Variants in MBL2 observed in about 807,000 individuals in gnomAD.
MBL2 encodes mannose binding lectin 2.
MBL2 carries 6 observed loss-of-function variants against 12.7 expected under a neutral mutation model. The observed-to-expected ratio is 0.47, with a 90% CI of 0.26 to 0.94. MBL2 has a LOEUF of 0.94. Among genes scored for constraint, MBL2 ranks in the 40% least tolerant of loss-of-function variants. The probability of loss-of-function intolerance (pLI) is 0.15; values close to 1 mark genes in which losing one functional copy is unlikely to be tolerated. For missense variants in MBL2, 307 were observed against 295.2 expected (o/e 1.04, Z -0.29); for synonymous variants, 114 against 112.0 (o/e 1.02, Z -0.11).
intron 3 of MBL2, 133 bp from the exon 4 acceptor site, chr10:52,769,448 GA>G: frequency 1.8e-6 from 1 of 561,960 alleles, no homozygotes. Flanking sequence ...CACTTTGAAG[GA>G]AAATAAAAAA....
chr10:52,768,027 A>G lies in MBL2; in HGVS notation c.*110T>C. 1 of 1,376,254 alleles carries G rather than the reference A, an allele frequency of 7.3e-7. No homozygotes were observed. The highest frequency in any genetic ancestry group is 1.6e-5 in the South Asian group (1 of 62,152). The allele number at this position is 1,376,254 out of a possible 1,614,324, so 85.3% of individuals were successfully genotyped here. ...TGATCATTTTTAGTGATTGCCCACA[A>G]AAGGAACAATACTGGATATGAGGAA... On this transcript the variant is annotated 3_prime_UTR_variant, in exon 5 of 5. Coordinates refer to ENST00000674931, the MANE Select transcript of MBL2 (RefSeq NM_001378373.1).
At chr10:52,769,836 G>A (rs1840364447) in intron 3 of MBL2, among the ~76,000 whole-genome samples, 1 of 152,136 alleles carries the variant, frequency 6.6e-6, no homozygotes, top group African/African-American at 2.4e-5. Context: ...AAGTGGGGAG[G>A]GCATGAGCAA....
At chr10:52,771,707 G>T (rs1840396520) in intron 1 of MBL2, 63 bp from the exon 2 acceptor site, 1 of 1,526,290 alleles carries the variant, frequency 6.6e-7, no homozygotes, top group East Asian at 2.4e-5. Flanking sequence ...TACCGAGCAT[G>T]CCCTCTGTCC....
chr10:52,768,944 A>C (rs1840349171), intron 4 of MBL2, among the ~76,000 whole-genome samples: 1 of 152,070 alleles, frequency 6.6e-6, no homozygotes, highest in Admixed American at 6.5e-5. Context: ...ATACCAGTGC[A>C]ACAAAGGGAT....
chr10:52,772,654 G>T, intron 1 of MBL2, 83 bp downstream of exon 1: 13 of 700,496 alleles, frequency 1.9e-5, no homozygotes, highest in Non-Finnish European at 2.3e-5. Flanking sequence ...CCCCTAGAAA[G>T]CCTCCTCCAT....
In MBL2 at chr10:52,769,204, T is replaced by C. The variant is rs751122864; in HGVS notation, c.373+43A>G. ...ACAAATATTTGTTGCATTCTATTTT[T>C]CCCAAACTTCAAGCTGCCTGGAGAG... On this transcript the variant is annotated intron_variant, in intron 4 of 4. Transcript: ENST00000674931. 1.5e-5 allele frequency: 20 copies of C among 1,361,836 alleles called. No individual in the cohort carries two copies. In the East Asian group the frequency reaches 4.2e-4, roughly 29 times the overall value. The allele number at this position is 1,361,836 out of a possible 1,614,324, so 84.4% of individuals were successfully genotyped here.
At chr10:52,770,854 G>A (rs949723843) in intron 2 of MBL2, 68 bp from the exon 3 acceptor site, 2 of 844,576 alleles carry the variant, frequency 2.4e-6, no homozygotes, top group African/African-American at 1.7e-5. Flanking sequence ...AGAGTTTGAT[G>A]CCCAATCCCT....
Position 52,767,991 on chromosome 10 carries a change from G to C in MBL2, c.*146C>G, listed in dbSNP as rs1840331091. ...CTACTACTACTATTATTGCTTTGTT[G>C]GTGCTGTTAGTGATCATTTTTAGTG... On this transcript the variant is annotated 3_prime_UTR_variant, in exon 5 of 5. Coordinates refer to ENST00000674931, the MANE Select transcript of MBL2 (RefSeq NM_001378373.1). The C allele has an allele frequency of 1.1e-6, 1 of 902,290 alleles. No individual in the cohort carries two copies. Among genetic ancestry groups the C allele is most frequent in the African/African-American group, 1.7e-5 (1 of 59,414 alleles). The allele number at this position is 902,290 out of a possible 1,614,324, so 55.9% of individuals were successfully genotyped here.
At position 52,771,701 on chromosome 10, in the gene MBL2, G is replaced by A. The variant is rs7095891; in HGVS notation, c.-9-57C>T. ...CTCAGTTAATGAACACATATTTACC[G>A]AGCATGCCCTCTGTCCTACAATCTG... On this transcript the variant is annotated intron_variant, in intron 1 of 4. Transcript: ENST00000674931. The A allele has an allele frequency of 0.23, 359,776 of 1,535,498 alleles. 46,114 individuals carry two copies. The highest frequency in any genetic ancestry group is 0.51 in the African/African-American group (37,495 of 72,986).
intron 4 of MBL2, 34 bp from the exon 5 acceptor site, chr10:52,768,544 T>C: frequency 6.8e-7 from 1 of 1,462,824 alleles, no homozygotes; most frequent in East Asian, 2.3e-5. Context: ...AACTGACTCA[T>C]CCTTAAGCCC....
At chr10:52,771,392 C>G (rs1273782361) in intron 2 of MBL2, 57 bp downstream of exon 2, 10 of 1,588,390 alleles carry the variant, frequency 6.3e-6, no homozygotes, top group Non-Finnish European at 8.6e-6. Context: ...CTCATATCCC[C>G]AGGCAGTTTC....
rs1035077354 is a variant in MBL2 at position 52,768,580 on chromosome 10, G to T, written c.374-70C>A. The T allele has an allele frequency of 8.5e-6, 10 of 1,172,376 alleles. No individual in the cohort carries two copies. The Admixed American group carries it at 2.3e-4, about 27-fold the overall frequency. The allele number at this position is 1,172,376 out of a possible 1,614,324, so 72.6% of individuals were successfully genotyped here. The stretch of plus-strand genomic sequence containing the variant: ...AACTCAAGGTATTTCTCAAGAAAAA[G>T]TCTTCTAGAGTACAGTTGCCGGATA... On this transcript the variant is annotated intron_variant, in intron 4 of 4. Coordinates refer to ENST00000674931, the MANE Select transcript of MBL2 (RefSeq NM_001378373.1).
At chr10:52,768,783 A>G (rs1477602312) in intron 4 of MBL2, among the ~76,000 whole-genome samples, 1 of 152,074 alleles carries the variant, frequency 6.6e-6, no homozygotes, top group Non-Finnish European at 1.5e-5. Flanking sequence ...GAACAGACAG[A>G]CTGGTACAAA....
In MBL2 at chr10:52,772,071, C is replaced by A. The variant is rs35615810; in HGVS notation, c.-9-427G>T. ...CTTCGGGTCCATCTGCCACCTGAAT[C>A]CCATCTTTGTATCTGGGCAGCTGAT... On this transcript the variant is annotated intron_variant, in intron 1 of 4. Transcript: ENST00000674931. Among the ~76,000 whole-genome samples the A allele has an allele frequency of 7.9e-3, 1,196 of 152,280 alleles. 7 individuals carry two copies. Among genetic ancestry groups the A allele is most frequent in the Non-Finnish European group, 0.013 (852 of 68,030 alleles).
intron 3 of MBL2, 101 bp from the exon 4 acceptor site, chr10:52,769,416 G>T (rs1172587604): frequency 4.6e-6 from 3 of 654,018 alleles, no homozygotes; most frequent in Non-Finnish European, 7.9e-6. Context: ...GAAAAAAAAA[G>T]CTTATTTTAC....
In MBL2 at chr10:52,768,200, A is replaced by G; in HGVS notation, c.684T>C (p.Asn228=). The G allele has an allele frequency of 1.9e-6, 3 of 1,613,600 alleles. No homozygotes were observed. The highest frequency in any genetic ancestry group is 2.5e-6 in the Non-Finnish European group (3 of 1,179,896). The change falls in exon 5 of 5, where the codon AAT becomes AAC. Residue 228 remains asparagine (N), a synonymous_variant. Coordinates refer to ENST00000674931, the MANE Select transcript of MBL2 (RefSeq NM_001378373.1). ...SDEDCVLLLK[N]GQWNDVPCST... ...AGCAGGGGACGTCATTCCACTGGCC[A>G]TTTTTCAGTAGCAATACACAATCTT...
At position 52,768,396 on chromosome 10, in the gene MBL2, G is replaced by C; in HGVS notation, c.488C>G (p.Ala163Gly). ...ALCVKFQASVATPRNAAENGA... is the reference protein window; with the variant it reads ...ALCVKFQASVGTPRNAAENGA... ...ATTCTCTGCAGCATTCCTGGGGGTGGCCACAGAGGCCTGGAACTTGACACA... is the reference window on the plus strand; with the variant it reads ...ATTCTCTGCAGCATTCCTGGGGGTGCCCACAGAGGCCTGGAACTTGACACA... The change falls in exon 5 of 5, where the codon GCC becomes GGC. Residue 163 changes from alanine (A) to glycine (G), a missense_variant. By Grantham distance (60) the Ala-to-Gly change is moderately conservative (BLOSUM62 0). Transcript: ENST00000674931. 1 of 1,613,662 alleles carries C rather than the reference G, an allele frequency of 6.2e-7. No individual in the cohort carries two copies. Among genetic ancestry groups the C allele is most frequent in the African/African-American group, 1.3e-5 (1 of 74,822 alleles).
intron 1 of MBL2, 99 bp downstream of exon 1, chr10:52,772,638 C>T: frequency 3.3e-6 from 2 of 614,692 alleles, no homozygotes; most frequent in Non-Finnish European, 4.1e-6. Context: ...CATCCCACTC[C>T]CCCCACCCCT....
chr10:52,769,837 G>T (rs1840364474), intron 3 of MBL2, among the ~76,000 whole-genome samples: 1 of 152,130 alleles, frequency 6.6e-6, no homozygotes, highest in South Asian at 2.1e-4. Context: ...AGTGGGGAGG[G>T]CATGAGCAAA....
Sources: allele counts gnomAD v4.1 joint callset (sites outside exome capture counted in the v4.1 genomes callset), GRCh38; gene constraint gnomAD v4.1.1; transcripts MANE v1.5; gene names NCBI Gene and HGNC (gene_info 2026-07-23, HGNC 2026-07-21).